The following MBNL2 variants were observed in gnomAD, a reference collection of about 807,000 sequenced individuals.
MBNL2 encodes the protein muscleblind like splicing regulator 2.
Under a neutral mutation model 41.9 loss-of-function variants are expected in MBNL2, and 17 were observed. The observed-to-expected ratio is 0.41, with a 90% CI of 0.28 to 0.61. The LOEUF is 0.61. Among genes scored for constraint, MBNL2 ranks in the 20% least tolerant of loss-of-function variants. The pLI, the probability that MBNL2 is intolerant of heterozygous loss-of-function variation, is 0.35. For missense variants in MBNL2, 336 were observed against 505.6 expected (o/e 0.66, Z 3.22); for synonymous variants, 195 against 182.9 (o/e 1.07, Z -0.53).
intron 4 of MBNL2, among the ~76,000 whole-genome samples, chr13:97,344,085 C>T (rs888365964): frequency 4.6e-5 from 7 of 152,216 alleles, no homozygotes; most frequent in Non-Finnish European, 1.0e-4. Flanking sequence ...GGATTACAGG[C>T]GTGAGCCACC....
At chr13:97,170,675 C>T in the MBNL2 span, among the ~76,000 whole-genome samples, 1 of 151,816 alleles carries the variant, frequency 6.6e-6, no homozygotes, top group African/African-American at 2.4e-5. Flanking sequence ...CCAGGTGGAG[C>T]CATGGGTATC....
chr13:97,347,241 C>T (rs529173374), intron 5 of MBNL2, among the ~76,000 whole-genome samples, 174 bp downstream of exon 5: 1 of 152,260 alleles, frequency 6.6e-6, no homozygotes, highest in Non-Finnish European at 1.5e-5. Flanking sequence ...TTTGTTTTCC[C>T]CTCCTGCCCC....
intron 1 of MBNL2, among the ~76,000 whole-genome samples, chr13:97,255,119 A>G (rs991183368): frequency 7.9e-5 from 12 of 152,196 alleles, no homozygotes; most frequent in African/African-American, 2.9e-4. Flanking sequence ...GGCAGGAAAC[A>G]TGATTCTTGG....
rs80291543 is a variant in MBNL2 at position 97,269,789 on chromosome 13, T to C, written c.-604-5843T>C. ...AAGAGGTCCAGGTACTGCTATGCAG[T>C]CAGACCATTGATCTCTAGGCACCTC... is the stretch of plus-strand genomic sequence containing the variant. On this transcript the variant is annotated intron_variant, in intron 1 of 8. Coordinates refer to ENST00000679496, the MANE Select transcript of MBNL2 (RefSeq NM_001382683.1). Among the ~76,000 whole-genome samples the C allele has an allele frequency of 7.0e-3, 1,063 of 152,180 alleles. 10 individuals are homozygous for C. Among genetic ancestry groups the C allele is most frequent in the African/African-American group, 0.024 (1,016 of 41,508 alleles).
At chr13:97,250,228 TA>T (rs2046262051) in intron 1 of MBNL2, among the ~76,000 whole-genome samples, 1 of 152,220 alleles carries the variant, frequency 6.6e-6, no homozygotes. Context: ...TGTTTCTCTA[TA>T]TTGTGTAAAA....
At chr13:97,337,466 C>T (rs1178825627) in intron 3 of MBNL2, among the ~76,000 whole-genome samples, 1 of 152,138 alleles carries the variant, frequency 6.6e-6, no homozygotes, top group South Asian at 2.1e-4. Flanking sequence ...TTTCCTCTTC[C>T]ATATGTTGAG....
chr13:97,157,834 A>C, the MBNL2 span, among the ~76,000 whole-genome samples: 32 of 152,010 alleles, frequency 2.1e-4, no homozygotes, highest in East Asian at 1.9e-4. Context: ...AATGTTCATC[A>C]AGGATATTGG....
chr13:97,302,997 G>A (rs2057777759), intron 2 of MBNL2, among the ~76,000 whole-genome samples: 1 of 152,186 alleles, frequency 6.6e-6, no homozygotes, highest in South Asian at 2.1e-4. Context: ...TGACTCTACA[G>A]TGCCCAAGTG....
the MBNL2 span, among the ~76,000 whole-genome samples, chr13:97,154,715 C>A: frequency 1.3e-5 from 2 of 152,094 alleles, no homozygotes; most frequent in African/African-American, 2.4e-5. Context: ...CTTACTCTGC[C>A]TTTATCCCTC....
In MBNL2 at chr13:97,357,875, C is replaced by T. The variant is rs1407119016; in HGVS notation, c.1012+240C>T. On this transcript the variant is annotated intron_variant, in intron 7 of 8. Coordinates refer to ENST00000679496, the MANE Select transcript of MBNL2 (RefSeq NM_001382683.1). ...GACAGATTTAACCCATGAGAAACAG[C>T]AGTTAGGGCTTTTGGTTTCTTGTAT... 1.3e-5 allele frequency: 7 copies of T among 553,316 alleles called. No individual in the cohort carries two copies. The Admixed American group carries it at 2.1e-4, about 17-fold the overall frequency. The allele number at this position is 553,316 out of a possible 1,614,324, so 34.3% of individuals were successfully genotyped here. A position where few individuals can be genotyped will look rare whatever the true frequency, so the allele number is the denominator to read the frequency against.
intron 7 of MBNL2, among the ~76,000 whole-genome samples, chr13:97,361,906 G>T (rs535450617): frequency 6.6e-6 from 1 of 151,440 alleles, no homozygotes; most frequent in South Asian, 2.1e-4. Context: ...AGTAGCTGGG[G>T]TTACAAGCGT....
chr13:97,186,572 G>A, the MBNL2 span, among the ~76,000 whole-genome samples: 1 of 152,020 alleles, frequency 6.6e-6, no homozygotes, highest in Admixed American at 6.5e-5. Flanking sequence ...TATTAAAATT[G>A]GTTGATCAAT....
chr13:97,208,015 G>T, the MBNL2 span, among the ~76,000 whole-genome samples: 1 of 152,228 alleles, frequency 6.6e-6, no homozygotes, highest in Non-Finnish European at 1.5e-5. Context: ...ATGCAAGGGG[G>T]TGAGTTCCCA....
At chr13:97,330,272 A>G (rs2060320875) in intron 2 of MBNL2, among the ~76,000 whole-genome samples, 1 of 152,186 alleles carries the variant, frequency 6.6e-6, no homozygotes, top group South Asian at 2.1e-4. Context: ...GTGACCCATG[A>G]GCTGGTCCCT....
intron 1 of MBNL2, among the ~76,000 whole-genome samples, chr13:97,236,927 C>T (rs1382256321): frequency 2.0e-5 from 3 of 150,428 alleles, no homozygotes; most frequent in East Asian, 3.9e-4. Context: ...GCTTAAGAGA[C>T]TTTTTTTTTT....
At chr13:97,211,932 A>G in the MBNL2 span, among the ~76,000 whole-genome samples, 2 of 152,334 alleles carry the variant, frequency 1.3e-5, no homozygotes, top group South Asian at 4.1e-4. Flanking sequence ...AGTGTGATGA[A>G]TCTACTGGGA....
At chr13:97,260,290 G>T (rs2048357369) in intron 1 of MBNL2, among the ~76,000 whole-genome samples, 3 of 152,300 alleles carry the variant, frequency 2.0e-5, no homozygotes, top group African/African-American at 7.2e-5. Context: ...TGGTTGGGGG[G>T]AGTCAGAAAG....
chr13:97,353,689 AAGAC>A (rs1242394756), intron 5 of MBNL2, among the ~76,000 whole-genome samples: 3 of 152,354 alleles, frequency 2.0e-5, no homozygotes, highest in East Asian at 1.9e-4. Context: ...ACATGAGAAT[AAGAC>A]AGACAGAACT....
intron 1 of MBNL2, among the ~76,000 whole-genome samples, chr13:97,260,314 A>G (rs2048361660): frequency 6.6e-6 from 1 of 152,216 alleles, no homozygotes; most frequent in Admixed American, 6.5e-5. Context: ...GGGGCCAGTC[A>G]CCGAGGTCAG....
Sources: gnomAD v4.1 joint callset for allele counts (sites outside exome capture counted in the v4.1 genomes callset) on GRCh38, gnomAD v4.1.1 for gene constraint, MANE v1.5 for transcripts, NCBI Gene and HGNC (gene_info 2026-07-23, HGNC 2026-07-21) for gene names.